Variants in CAMKK1 observed in about 807,000 individuals in gnomAD.
The protein encoded by CAMKK1 is calcium/calmodulin dependent protein kinase kinase 1.
In CAMKK1, 20 loss-of-function variants were observed where a neutral mutation model predicts 63.5. The ratio of observed to expected loss-of-function variants is 0.32; its 90% CI spans 0.22 to 0.46. CAMKK1 has a LOEUF of 0.46. CAMKK1 is among the 20% of genes least tolerant of loss of function. The pLI is 1.00. For missense variants in CAMKK1, 588 were observed against 658.1 expected (o/e 0.89, Z 1.17); for synonymous variants, 253 against 269.0 (o/e 0.94, Z 0.58).
chr17:3,870,810 G>A (rs1032217743), intron 12 of CAMKK1, among the ~76,000 whole-genome samples: 3 of 152,088 alleles, frequency 2.0e-5, no homozygotes, highest in African/African-American at 4.8e-5. Flanking sequence ...TGGGCTGAGG[G>A]GAAAGACACC....
chr17:3,867,670 G>A (rs571314682), intron 14 of CAMKK1, among the ~76,000 whole-genome samples: 2 of 152,234 alleles, frequency 1.3e-5, no homozygotes, highest in East Asian at 1.9e-4. Context: ...AAGCATAGGG[G>A]GCAGGGATTG....
At position 3,862,232 on chromosome 17, in the gene CAMKK1, C is replaced by A; in HGVS notation, c.1497G>T (p.Gln499His). 1 of 1,591,326 alleles carries A rather than the reference C, an allele frequency of 6.3e-7. No individual in the cohort carries two copies. Among genetic ancestry groups the A allele is most frequent in the East Asian group, 2.3e-5 (1 of 43,784 alleles). ...GGKSPELPGV[Q>H]EDEAAS ...GGGCTCAGGATGCAGCCTCGTCTTCCTGGACGCCGGGGAGCTCTGGGCTCT... is the reference window on the plus strand; with the variant it reads ...GGGCTCAGGATGCAGCCTCGTCTTCATGGACGCCGGGGAGCTCTGGGCTCT... Residue 499 changes from glutamine to histidine, a missense_variant, in exon 16 of 16, where the codon CAG (glutamine) becomes CAT (histidine). Gln to His is a conservative substitution (Grantham distance 24). Transcript: ENST00000348335. This position sits in a 1 kb window ranked among gnomAD's most constrained non-coding sequence, Gnocchi z 4.1.
At position 3,885,356 on chromosome 17, in the gene CAMKK1, G is replaced by T; in HGVS notation, c.332C>A (p.Ser111Tyr). 1 of 1,603,800 alleles carries T rather than the reference G, an allele frequency of 6.2e-7. No homozygotes were observed. The highest frequency in any genetic ancestry group is 1.1e-5 in the South Asian group (1 of 90,426). The change falls in exon 2 of 16, where the codon TCC (serine) becomes TAC (tyrosine). Residue 111 changes from serine (S) to tyrosine (Y), a missense_variant. This residue lies in a region of CAMKK1 where 357 missense variants were observed against 407.4 expected (regional missense o/e 0.88). Transcript: ENST00000348335. ...PRAWRRPTIE[S>Y]HHVAISDAED... ...TGCATCTGAGATGGCCACGTGGTGGGACTCGATGGTGGGCCTCCGCCAGGC... is the reference window on the plus strand; with the variant it reads ...TGCATCTGAGATGGCCACGTGGTGGTACTCGATGGTGGGCCTCCGCCAGGC...
chr17:3,866,730 T>G (rs1295594372), intron 14 of CAMKK1, among the ~76,000 whole-genome samples: 2 of 152,104 alleles, frequency 1.3e-5, no homozygotes, highest in African/African-American at 4.8e-5. Context: ...AGCCTTTTTT[T>G]TTTTTCAGAC....
At chr17:3,866,968 G>A (rs757408030) in intron 14 of CAMKK1, among the ~76,000 whole-genome samples, 9 of 152,154 alleles carry the variant, frequency 5.9e-5, no homozygotes, top group Non-Finnish European at 8.8e-5. Flanking sequence ...TGATCCTCCC[G>A]CCTTGGCCTC....
chr17:3,869,590 C>CCGT lies in CAMKK1; in HGVS notation c.1235_1237dup (p.Asn412_Gly413insAsp). The stretch of plus-strand genomic sequence containing the variant: ...CTCCTCCGAAGGAAGGGGCTCCTCC[C>CCGT]CGTTCTTGGTCACCCAAGGGTGCAA... On this transcript the variant is annotated inframe_insertion, in exon 14 of 16. Transcript: ENST00000348335. The CCGT allele has an allele frequency of 6.2e-7, 1 of 1,614,244 alleles. No individual in the cohort carries two copies. Among genetic ancestry groups the CCGT allele is most frequent in the Non-Finnish European group, 8.5e-7 (1 of 1,180,050 alleles).
At position 3,881,608 on chromosome 17, in the gene CAMKK1, A is replaced by G. The variant is rs1456593186; in HGVS notation, c.707+19T>C. 2 of 1,567,450 alleles carry G rather than the reference A, an allele frequency of 1.3e-6. No homozygotes were observed. The highest frequency in any genetic ancestry group is 1.3e-5 in the African/African-American group (1 of 74,104). ...GCCTGGATGAGAATTGACCTGCCTG[A>G]TCAGGACGGGGAACTCACCCCTTTC... On this transcript the variant is annotated intron_variant, in intron 8 of 15. Transcript: ENST00000348335.
At chr17:3,867,014 C>T (rs1453781678) in intron 14 of CAMKK1, among the ~76,000 whole-genome samples, 1 of 152,236 alleles carries the variant, frequency 6.6e-6, no homozygotes, top group African/African-American at 2.4e-5. Context: ...AGCCACTGCG[C>T]CCAGCCATCA....
Position 3,884,343 on chromosome 17 carries a change from C to G in CAMKK1, c.408+37G>C. On this transcript the variant is annotated intron_variant, in intron 3 of 15. Transcript: ENST00000348335. This position sits in a 1 kb window ranked among gnomAD's most constrained non-coding sequence, Gnocchi z 4.5. Reference sequence around the variant, plus strand: ...AAGGAGCAGCGCCAAACAGAGAATCCCGAAGCCCCCACTGCTCTCGGCCTG... The same window carrying G: ...AAGGAGCAGCGCCAAACAGAGAATCGCGAAGCCCCCACTGCTCTCGGCCTG... The G allele has an allele frequency of 3.7e-6, 6 of 1,609,504 alleles. No individual in the cohort carries two copies. The highest frequency in any genetic ancestry group is 5.1e-6 in the Non-Finnish European group (6 of 1,176,106).
In CAMKK1 at chr17:3,864,996, G is replaced by A. The variant is rs189950132; in HGVS notation, c.1445+912C>T. Among the ~76,000 whole-genome samples the A allele has an allele frequency of 4.1e-3, 618 of 152,326 alleles. 2 individuals are homozygous for A. The highest frequency in any genetic ancestry group is 0.013 in the African/African-American group (541 of 41,584). ...CTCTGGGGAGTGCGCCTTCCACACA[G>A]AGCAGGCCAGGGTGGGGCAAACAAC... On this transcript the variant is annotated intron_variant, in intron 15 of 15. Coordinates refer to ENST00000348335, the MANE Select transcript of CAMKK1 (RefSeq NM_032294.3).
At position 3,862,233 on chromosome 17, in the gene CAMKK1, T is replaced by A. The variant is rs144792679; in HGVS notation, c.1496A>T (p.Gln499Leu). 6.3e-7 allele frequency: 1 copy of A among 1,591,418 alleles called. No individual in the cohort carries two copies. The highest frequency in any genetic ancestry group is 1.1e-5 in the South Asian group (1 of 87,470). ...GGCTCAGGATGCAGCCTCGTCTTCC[T>A]GGACGCCGGGGAGCTCTGGGCTCTT... Reference protein sequence around the residue: ...GGKSPELPGVQEDEAAS With the variant: ...GGKSPELPGVLEDEAAS The change falls in exon 16 of 16, where the codon CAG (glutamine) becomes CTG (leucine). Residue 499 changes from glutamine (Q) to leucine (L), a missense_variant. Transcript: ENST00000348335. This position sits in a 1 kb window ranked among gnomAD's most constrained non-coding sequence, Gnocchi z 4.1.
In CAMKK1 at chr17:3,883,301, GT is replaced by G; in HGVS notation, c.514+127del. ...TGTCCCAACCCACAGGGCACATTCTGTCCCCAGGCCTCTGCTCACGCTGTCT... is the reference window on the plus strand; with the variant it reads ...TGTCCCAACCCACAGGGCACATTCTGCCCCAGGCCTCTGCTCACGCTGTCT... On this transcript the variant is annotated intron_variant, in intron 5 of 15. Transcript: ENST00000348335. This position sits in a 1 kb window ranked among gnomAD's most constrained non-coding sequence, Gnocchi z 4.7. The G allele has an allele frequency of 6.7e-7, 1 of 1,481,676 alleles. No homozygotes were observed. Among genetic ancestry groups the G allele is most frequent in the Non-Finnish European group, 9.4e-7 (1 of 1,066,868 alleles). 91.8% of individuals were successfully genotyped at this position (1,481,676 alleles called of 1,614,324 possible).
chr17:3,864,120 T>C (rs1319504255), intron 15 of CAMKK1, among the ~76,000 whole-genome samples: 2 of 134,842 alleles, frequency 1.5e-5, no homozygotes, highest in African/African-American at 6.2e-5. Flanking sequence ...GCCCGGCTAA[T>C]TTTTTTTTTT....
intron 15 of CAMKK1, chr17:3,865,686 G>A: frequency 1.4e-6 from 2 of 1,404,222 alleles, no homozygotes; most frequent in East Asian, 2.6e-5. Flanking sequence ...TGTGTGTGAG[G>A]GATGCTGGCC....
rs1171414926 is a variant in CAMKK1, at chr17:3,882,114, G to A, written c.685+414C>T. The A allele has an allele frequency of 3.2e-5, 19 of 602,084 alleles. No homozygotes were observed. In the Admixed American group the frequency reaches 5.6e-4, roughly 18 times the overall value. 37.3% of individuals were successfully genotyped at this position (602,084 alleles called of 1,614,324 possible). On this transcript the variant is annotated intron_variant, in intron 7 of 15. Transcript: ENST00000348335. This position sits in a 1 kb window ranked among gnomAD's most constrained non-coding sequence, Gnocchi z 4.3. Reference sequence around the variant, plus strand: ...ACTATTAACAAGGATAATAACGAATGTGCTTTACATATAATTACTCATTTA... The same window carrying A: ...ACTATTAACAAGGATAATAACGAATATGCTTTACATATAATTACTCATTTA...
chr17:3,876,187 C>T (rs1369608319), intron 10 of CAMKK1, 36 bp downstream of exon 10: 1 of 1,594,990 alleles, frequency 6.3e-7, no homozygotes, highest in Non-Finnish European at 8.6e-7. Context: ...ACGCCCCCCA[C>T]TTGAACCCCA....
At chr17:3,864,659 G>T (rs2054447943) in intron 15 of CAMKK1, among the ~76,000 whole-genome samples, 1 of 152,138 alleles carries the variant, frequency 6.6e-6, no homozygotes, top group African/African-American at 2.4e-5. Context: ...CCAGCATCAG[G>T]GGCCTACATT....
Position 3,876,399 on chromosome 17 carries a change from T to C in CAMKK1, c.820A>G (p.Arg274Gly). Residue 274 changes from arginine to glycine, a missense_variant, in exon 10 of 16, where the codon AGG (arginine) becomes GGG (glycine). Physicochemically the swap from Arg to Gly is moderately radical, Grantham distance 125. Transcript: ENST00000348335. Reference sequence around the variant, plus strand: ...AGCAGGTTGGATGGCTTGATGTCCCTGTGGACGATCTTCTGGCAGTGCACT... The same window carrying C: ...AGCAGGTTGGATGGCTTGATGTCCCCGTGGACGATCTTCTGGCAGTGCACT... ...EYLHCQKIVHRDIKPSNLLLG... is the reference protein window; with the variant it reads ...EYLHCQKIVHGDIKPSNLLLG... 1 of 1,614,166 alleles carries C rather than the reference T, an allele frequency of 6.2e-7. No homozygotes were observed. Among genetic ancestry groups the C allele is most frequent in the Non-Finnish European group, 8.5e-7 (1 of 1,179,994 alleles).
chr17:3,878,794 A>G (rs1037886051), intron 9 of CAMKK1: 5 of 133,638 alleles, frequency 3.7e-5, no homozygotes, highest in African/African-American at 1.5e-4. Context: ...GTATGTATGT[A>G]TATATGTATG....
Sources: gnomAD v4.1 joint callset for allele counts (sites outside exome capture counted in the v4.1 genomes callset) on GRCh38, gnomAD v4.1.1 for gene constraint, gnomAD v4.1.1 regional missense constraint, Gnocchi (gnomAD v3.1) non-coding constraint, MANE v1.5 for transcripts, NCBI Gene and HGNC (gene_info 2026-07-23, HGNC 2026-07-21) for gene names.